The following TENM1 variants were observed in gnomAD, a reference collection of about 807,000 sequenced individuals.
TENM1 encodes teneurin transmembrane protein 1, also known as teneurin-1.
TENM1 carries 35 observed loss-of-function variants against 174.8 expected under a neutral mutation model. The ratio of observed to expected loss-of-function variants is 0.20; its 90% CI spans 0.15 to 0.27. The LOEUF (loss-of-function observed/expected upper bound fraction) is 0.27, where lower values mean the gene tolerates loss of function less well. Among genes scored for constraint, TENM1 ranks in the 10% least tolerant of loss-of-function variants. TENM1 has a pLI of 1.00. For synonymous variants in TENM1, 781 were observed against 798.7 expected (o/e 0.98, Z 0.37); for missense variants, 1,633 against 2,130.1 (o/e 0.77, Z 4.59).
the TENM1 span, among the ~76,000 whole-genome samples, chrX:125,136,787 C>T: frequency 1.8e-5 from 2 of 111,772 alleles, no homozygotes; most frequent in South Asian, 7.5e-4. Context: ...CAATTATTTA[C>T]ACTGTATTTG....
At chrX:125,182,282 C>T in the TENM1 span, among the ~76,000 whole-genome samples, 65 of 110,042 alleles carry the variant, frequency 5.9e-4, no homozygotes, top group Non-Finnish European at 1.2e-3. Flanking sequence ...TTTAAAGATG[C>T]TTGTAGTTAC....
At chrX:124,603,144 C>T (rs1471020614) in intron 11 of TENM1, among the ~76,000 whole-genome samples, 1 of 110,748 alleles carries the variant, frequency 9.0e-6, no homozygotes, top group East Asian at 2.9e-4. Context: ...GGAGTGTGGA[C>T]CTGCTGACAT....
chrX:124,701,995 G>A (rs1326749106), intron 5 of TENM1, among the ~76,000 whole-genome samples: 1 of 111,706 alleles, frequency 9.0e-6, no homozygotes, highest in African/African-American at 3.3e-5. Flanking sequence ...GGATAATAGA[G>A]GAAAATGAAA....
chrX:124,538,684 G>A (rs1022000064), intron 15 of TENM1, among the ~76,000 whole-genome samples: 10 of 111,403 alleles, frequency 9.0e-5, no homozygotes, highest in African/African-American at 2.6e-4. Flanking sequence ...AAAGCTAAAC[G>A]CAAGGCATAT....
intron 27 of TENM1, among the ~76,000 whole-genome samples, chrX:124,397,031 T>C (rs913995046): frequency 9.0e-6 from 1 of 111,249 alleles, no homozygotes; most frequent in Non-Finnish European, 1.9e-5. Context: ...CGGTTTCCCT[T>C]ATGTTTTTTT....
chrX:125,163,292 G>A, the TENM1 span, among the ~76,000 whole-genome samples: 987 of 110,176 alleles, frequency 9.0e-3, 7 homozygotes, highest in Non-Finnish European at 0.012. Context: ...ATTAGCTGGT[G>A]AGCCACTCTT....
the TENM1 span, among the ~76,000 whole-genome samples, chrX:125,034,247 G>C: frequency 8.9e-6 from 1 of 111,764 alleles, no homozygotes; most frequent in Non-Finnish European, 1.9e-5. Flanking sequence ...TGCTAGACTT[G>C]AGCAATCTGT....
At chrX:124,516,620 T>G (rs1420675583) in intron 18 of TENM1, among the ~76,000 whole-genome samples, 3 of 111,873 alleles carry the variant, frequency 2.7e-5, no homozygotes, top group Non-Finnish European at 5.7e-5. Context: ...TCACCCATCA[T>G]CAGAGAAATG....
At chrX:124,607,257 A>G (rs73554458) in intron 11 of TENM1, among the ~76,000 whole-genome samples, 1,204 of 111,072 alleles carry the variant, frequency 0.011, 17 homozygotes, top group African/African-American at 0.038. Flanking sequence ...AGAATAATAA[A>G]TGAATATGGG....
At chrX:124,546,268 C>T (rs2048427043) in intron 15 of TENM1, among the ~76,000 whole-genome samples, 2 of 112,084 alleles carry the variant, frequency 1.8e-5, no homozygotes, top group Admixed American at 1.9e-4. Flanking sequence ...ACCTCTAATG[C>T]TAATTAGTAA....
At chrX:124,456,625 A>G (rs771243165) in intron 22 of TENM1, among the ~76,000 whole-genome samples, 1 of 111,946 alleles carries the variant, frequency 8.9e-6, no homozygotes, top group South Asian at 3.8e-4. Flanking sequence ...ACCCAGGGAT[A>G]GTGATGATGC....
At chrX:124,381,931 A>G (rs2060161619) in intron 31 of TENM1, among the ~76,000 whole-genome samples, 1 of 111,730 alleles carries the variant, frequency 9.0e-6, no homozygotes, top group South Asian at 3.7e-4. Flanking sequence ...TACAGAAAGC[A>G]TTTACATCTT....
intron 5 of TENM1, among the ~76,000 whole-genome samples, chrX:124,685,051 T>C (rs1484517212): frequency 9.0e-6 from 1 of 110,588 alleles, no homozygotes; most frequent in East Asian, 2.8e-4. Flanking sequence ...GTGAAGCCAG[T>C]CTTTAATGAC....
chrX:125,037,934 T>C, the TENM1 span, among the ~76,000 whole-genome samples: 1 of 111,543 alleles, frequency 9.0e-6, no homozygotes, highest in African/African-American at 3.2e-5. Context: ...AAGAACTTTA[T>C]CTGTTTCACA....
the TENM1 span, among the ~76,000 whole-genome samples, chrX:125,122,441 C>T: frequency 9.0e-6 from 1 of 111,529 alleles, no homozygotes; most frequent in African/African-American, 3.3e-5. Context: ...ATTGGGGAAG[C>T]TATCAAGGGA....
At chrX:124,424,659 A>G (rs1033713304) in intron 23 of TENM1, among the ~76,000 whole-genome samples, 1 of 111,825 alleles carries the variant, frequency 8.9e-6, no homozygotes, top group Admixed American at 9.5e-5. Context: ...ATCATGTTCA[A>G]TTGTAATCCC....
chrX:124,557,386 ATTG>A (rs1363666931), intron 14 of TENM1, among the ~76,000 whole-genome samples: 1 of 109,360 alleles, frequency 9.1e-6, no homozygotes, highest in African/African-American at 3.4e-5. Flanking sequence ...AGTCAAATTT[ATTG>A]TTTTTTTTTC....
At chrX:124,757,464 G>A (rs758528093) in intron 3 of TENM1, among the ~76,000 whole-genome samples, 398 of 112,569 alleles carry the variant, frequency 3.5e-3, no homozygotes, top group Non-Finnish European at 4.6e-3. Context: ...GCAATGCCTC[G>A]CCGTGCTTCG....
rs188063754 is a variant in TENM1, at chrX:124,956,018, G to A, written c.217+7519C>T. On this transcript the variant is annotated intron_variant, in intron 1 of 31. Coordinates refer to ENST00000422452, the Ensembl canonical transcript of TENM1. ...TTCATTGTAAAATGGGTATAATAAT[G>A]ATCCCAACCTTATAGCATTGCTGGG... 1.7e-4 allele frequency among the ~76,000 whole-genome samples: 19 copies of A among 111,741 alleles called. 1 individual carries two copies. The highest frequency in any genetic ancestry group is 9.5e-4 in the Admixed American group (10 of 10,482).
Sources: gnomAD v4.1 joint callset for allele counts (sites outside exome capture counted in the v4.1 genomes callset) on GRCh38, gnomAD v4.1.1 for gene constraint, MANE v1.5 for transcripts, NCBI Gene and HGNC (gene_info 2026-07-23, HGNC 2026-07-21) for gene names.